Variants in BRI3 observed in about 807,000 individuals in gnomAD.
BRI3 encodes the protein membrane protein BRI3.
BRI3 carries 6 observed loss-of-function variants against 12.8 expected under a neutral mutation model. The ratio of observed to expected loss-of-function variants is 0.47; its 90% CI spans 0.26 to 0.93. BRI3 has a LOEUF of 0.93. Ranked by LOEUF, BRI3 falls within the 40% of genes least tolerant of loss-of-function variation. The pLI, the probability that BRI3 is intolerant of heterozygous loss-of-function variation, is 0.15. For synonymous variants in BRI3, 91 were observed against 76.1 expected, an observed-to-expected ratio of 1.20 and a Z score of -1.02; for missense variants, 134 against 171.1, an observed-to-expected ratio of 0.78 and a Z score of 1.21.
At chr7:98,296,652 AAAC>A (rs1218536285), downstream of BRI3, among the ~76,000 whole-genome samples, 2 of 152,120 alleles carry the variant, frequency 1.3e-5, no homozygotes, top group African/African-American at 4.8e-5. Flanking sequence ...AAAACCAACA[AAAC>A]AAAAACAGAA....
chr7:98,296,800 A>G (rs550862970), downstream of BRI3, among the ~76,000 whole-genome samples: 1 of 152,306 alleles, frequency 6.6e-6, no homozygotes, highest in East Asian at 1.9e-4. Flanking sequence ...CTCCACTGCA[A>G]AGGAGACCCA....
upstream of BRI3, among the ~76,000 whole-genome samples, chr7:98,305,491 G>C (rs1706949283): frequency 6.6e-6 from 1 of 152,138 alleles, no homozygotes; most frequent in African/African-American, 2.4e-5. Flanking sequence ...TACCTGGCTA[G>C]CTGGATGGGT....
intron 2 of BRI3, among the ~76,000 whole-genome samples, chr7:98,287,053 A>G (rs541831605): frequency 5.3e-4 from 81 of 152,334 alleles, no homozygotes; most frequent in Non-Finnish European, 9.8e-4. Flanking sequence ...AAGCCCGTTC[A>G]GAGCTCTCAG....
rs531028404 is a variant in BRI3 at position 98,291,146 on chromosome 7, G to C, written c.281G>C (p.Gly94Ala). The C allele has an allele frequency of 6.2e-7, 1 of 1,614,164 alleles. No individual in the cohort carries two copies. The highest frequency in any genetic ancestry group is 1.3e-5 in the African/African-American group (1 of 75,040). The change falls in exon 3 of 3, where the codon GGC (glycine) becomes GCC (alanine). Residue 94 changes from glycine to alanine, a missense_variant. Physicochemically the swap from Gly to Ala is moderately conservative, Grantham distance 60. Coordinates refer to ENST00000297290, the MANE Select transcript of BRI3 (RefSeq NM_015379.5). ...GVLEDCFTFL[G>A]IFLAIILFPF... ...CTGGAGGACTGCTTCACCTTCCTGG[G>C]CATCTTCCTGGCCATCATCCTCTTC...
chr7:98,291,074 C>A (rs376298920), intron 2 of BRI3, 37 bp from the exon 3 acceptor site: 2 of 1,612,906 alleles, frequency 1.2e-6, no homozygotes, highest in Non-Finnish European at 1.7e-6. Context: ...TGCCCGGGTC[C>A]TTACGGTGCC....
chr7:98,283,042 G>C (rs895038950), intron 2 of BRI3: 2 of 129,142 alleles, frequency 1.5e-5, no homozygotes, highest in Non-Finnish European at 3.7e-5. Flanking sequence ...TCCTCGCATT[G>C]GACCTGCACA....
rs1055971019 is a variant in BRI3, at chr7:98,282,392, C to T, written c.184C>T (p.Arg62Trp). 1.2e-6 allele frequency: 2 copies of T among 1,614,120 alleles called. No homozygotes were observed. The highest frequency in any genetic ancestry group is 1.7e-6 in the Non-Finnish European group (2 of 1,179,998). Residue 62 changes from arginine to tryptophan, a missense_variant, in exon 2 of 3, where the codon CGG becomes TGG. Arg to Trp is a moderately radical substitution (Grantham distance 101). Transcript: ENST00000297290. ...TCCCAGGGTCTACAACATCCACAGC[C>T]GGACCGTCACCCGCTATCCTGCCAA... Reference protein sequence around the residue: ...HHPRVYNIHSRTVTRYPANSI... With the variant: ...HHPRVYNIHSWTVTRYPANSI...
chr7:98,299,185 T>G (rs1800315890), intron 1 of BRI3, among the ~76,000 whole-genome samples: 1 of 151,718 alleles, frequency 6.6e-6, no homozygotes, highest in South Asian at 2.1e-4. Context: ...CCAGCTAATT[T>G]TTTTTGTATT....
intron 2 of BRI3, among the ~76,000 whole-genome samples, chr7:98,290,178 G>GTTTTTT (rs1200763476): frequency 7.6e-5 from 7 of 92,306 alleles, no homozygotes; most frequent in African/African-American, 1.4e-4. Flanking sequence ...GCCTCTCAAG[G>GTTTTTT]TTGTTTTTTT....
chr7:98,322,337 C>T, the BRI3 span, among the ~76,000 whole-genome samples: 1 of 152,196 alleles, frequency 6.6e-6, no homozygotes, highest in African/African-American at 2.4e-5. Context: ...CCTTGCTGAA[C>T]ACGACCACGC....
At chr7:98,307,739 G>A (rs937174605) in exon 2 of BRI3, 4 of 1,614,262 alleles carry the variant, frequency 2.5e-6, no homozygotes, top group Non-Finnish European at 3.4e-6. Flanking sequence ...TCTCCTCGGG[G>A]ATGAGCAGCG....
In BRI3 at chr7:98,300,054, TAAAC is replaced by T. The variant is rs758987637; in HGVS notation, c.72-6417_72-6414del. ...AGACTCCGTCTCATAAATAAATAAATAAACAAACAAACAAATGTAAACGTCTAGT... is the reference window on the plus strand; with the variant it reads ...AGACTCCGTCTCATAAATAAATAAATAAACAAACAAATGTAAACGTCTAGT... On this transcript the variant is annotated intron_variant and NMD_transcript_variant, in intron 1 of 2. Coordinates refer to the BRI3 transcript ENST00000491463. Among the ~76,000 whole-genome samples the T allele has an allele frequency of 8.0e-4, 121 of 152,172 alleles. 2 individuals are homozygous for T. The highest frequency in any genetic ancestry group is 3.3e-3 in the South Asian group (16 of 4,816).
exon 2 of BRI3, chr7:98,309,539 A>C (rs1382898659): frequency 6.6e-6 from 1 of 152,222 alleles, no homozygotes; most frequent in Non-Finnish European, 1.5e-5. Context: ...ACATACTTTA[A>C]CTGTGTATTT....
In BRI3 at chr7:98,300,458, T is replaced by C. The variant is rs12670670; in HGVS notation, c.72-6025T>C. ...CCCCGCAATGCTTTTGCAGTCTGCATAGGATGTTAGAATAACAGCATGCAG... is the reference window on the plus strand; with the variant it reads ...CCCCGCAATGCTTTTGCAGTCTGCACAGGATGTTAGAATAACAGCATGCAG... On this transcript the variant is annotated intron_variant and NMD_transcript_variant, in intron 1 of 2. Coordinates refer to the BRI3 transcript ENST00000491463. 8.8e-4 allele frequency among the ~76,000 whole-genome samples: 134 copies of C among 152,314 alleles called. 1 individual carries two copies. In the East Asian group the frequency reaches 0.019, roughly 21 times the overall value.
intron 2 of BRI3, 81 bp from the exon 3 acceptor site, chr7:98,291,030 T>C (rs1299430757): frequency 1.0e-5 from 16 of 1,537,212 alleles, no homozygotes; most frequent in Non-Finnish European, 1.3e-5. Context: ...GGTTGGTTAT[T>C]GAATGCAAGG....
At chr7:98,302,529 C>A (rs760268762), upstream of BRI3, among the ~76,000 whole-genome samples, 12 of 152,192 alleles carry the variant, frequency 7.9e-5, no homozygotes, top group Non-Finnish European at 1.5e-4. Flanking sequence ...AAAACAGCAA[C>A]AGACTCTGAG....
chr7:98,311,367 C>G (rs1236320753), downstream of BRI3, among the ~76,000 whole-genome samples: 5 of 150,918 alleles, frequency 3.3e-5, no homozygotes, highest in Admixed American at 1.3e-4. Context: ...CATGGTGAAA[C>G]CCGGTTTCCA....
downstream of BRI3, chr7:98,311,957 G>T: frequency 1.2e-6 from 1 of 829,050 alleles, no homozygotes. Flanking sequence ...CGCCCCTAAA[G>T]GTAAGGGGAT....
At chr7:98,293,392 T>G, downstream of BRI3, 1 of 834,134 alleles carries the variant, frequency 1.2e-6, no homozygotes, top group African/African-American at 1.7e-5. Context: ...ATGATTTGCT[T>G]AAGCAGGCGA....
Sources: gnomAD v4.1 joint callset for allele counts (sites outside exome capture counted in the v4.1 genomes callset) on GRCh38, gnomAD v4.1.1 for gene constraint, MANE v1.5 for transcripts, NCBI Gene and HGNC (gene_info 2026-07-23, HGNC 2026-07-21) for gene names.